CRTAC1: variants seen among roughly 807,000 people sequenced by gnomAD.
CRTAC1 encodes the protein cartilage acidic protein 1.
CRTAC1 carries 37 observed loss-of-function variants against 67.8 expected under a neutral mutation model. The observed-to-expected ratio is 0.55, with a 90% confidence interval of 0.42 to 0.72. The LOEUF is 0.72. CRTAC1 is among the 30% of genes least tolerant of loss of function. CRTAC1 has a pLI of 0.00. For missense variants in CRTAC1, 780 were observed against 931.6 expected (o/e 0.84, Z 2.12); for synonymous variants, 348 against 371.0 (o/e 0.94, Z 0.71).
intron 1 of CRTAC1, among the ~76,000 whole-genome samples, chr10:98,017,425 C>T (rs1425102959): frequency 6.6e-6 from 1 of 152,152 alleles, no homozygotes; most frequent in Non-Finnish European, 1.5e-5. Context: ...GGGATGTGGG[C>T]TTCTCCTGCA....
In CRTAC1 at chr10:97,880,336, C is replaced by T. The variant is rs781100573; in HGVS notation, c.1732G>A (p.Val578Ile). 3 of 1,614,180 alleles carry T rather than the reference C, an allele frequency of 1.9e-6. No homozygotes were observed. The highest frequency in any genetic ancestry group is 2.5e-6 in the Non-Finnish European group (3 of 1,180,016). ...FVCPRDKPVCVNTYGSYRCRT... is the reference protein window; with the variant it reads ...FVCPRDKPVCINTYGSYRCRT... ...CACCTGTAGCTTCCATAGGTGTTGA[C>T]ACATACGGGCTTGTCTCGAGGGCAC... Residue 578 changes from valine to isoleucine, a missense_variant, in exon 14 of 15, where the codon GTC becomes ATC. Val to Ile is a conservative substitution (Grantham distance 29, BLOSUM62 3). Coordinates refer to ENST00000370597, the MANE Select transcript of CRTAC1 (RefSeq NM_018058.7).
chr10:97,994,535 C>G (rs1842519439), intron 2 of CRTAC1, among the ~76,000 whole-genome samples: 1 of 152,218 alleles, frequency 6.6e-6, no homozygotes, highest in South Asian at 2.1e-4. Flanking sequence ...TCAGGGGACG[C>G]ATAGATCTGT....
intron 14 of CRTAC1, among the ~76,000 whole-genome samples, chr10:97,873,783 C>T (rs573146785): frequency 4.6e-5 from 7 of 152,256 alleles, no homozygotes; most frequent in African/African-American, 1.2e-4. Flanking sequence ...AGGTTCTGGG[C>T]GGGACGTTCT....
intron 3 of CRTAC1, among the ~76,000 whole-genome samples, chr10:97,934,252 C>T (rs549850995): frequency 9.2e-5 from 14 of 152,318 alleles, no homozygotes; most frequent in Admixed American, 3.3e-4. Context: ...AGTTGATCAG[C>T]CCATCAATTA....
chr10:97,979,724 C>T (rs2051862007), intron 2 of CRTAC1, among the ~76,000 whole-genome samples: 1 of 152,152 alleles, frequency 6.6e-6, no homozygotes, highest in African/African-American at 2.4e-5. Context: ...ACTACTGAAC[C>T]TTGGGTCCCA....
chr10:97,918,717 T>C (rs2136589903), intron 4 of CRTAC1, among the ~76,000 whole-genome samples: 1 of 152,308 alleles, frequency 6.6e-6, no homozygotes, highest in East Asian at 1.9e-4. Context: ...GTCTCATCCA[T>C]TGGCACCATG....
At chr10:97,986,720 C>T (rs1315567735) in intron 2 of CRTAC1, among the ~76,000 whole-genome samples, 1 of 152,174 alleles carries the variant, frequency 6.6e-6, no homozygotes, top group Non-Finnish European at 1.5e-5. Flanking sequence ...AAGATGACAA[C>T]AATTTCATTC....
intron 2 of CRTAC1, among the ~76,000 whole-genome samples, chr10:97,959,334 G>A (rs146954852): frequency 1.3e-5 from 2 of 152,326 alleles, no homozygotes; most frequent in East Asian, 3.9e-4. Flanking sequence ...CTGCTGCAGG[G>A]TAAACACACC....
intron 14 of CRTAC1, 71 bp downstream of exon 14, chr10:97,880,178 G>A: frequency 1.3e-6 from 2 of 1,558,708 alleles, no homozygotes; most frequent in Middle Eastern, 3.8e-4. Flanking sequence ...CTTGATCTGG[G>A]GCCTACCCAG....
At chr10:97,968,903 C>G (rs928060523) in intron 2 of CRTAC1, among the ~76,000 whole-genome samples, 1 of 152,196 alleles carries the variant, frequency 6.6e-6, no homozygotes, top group African/African-American at 2.4e-5. Flanking sequence ...TGAGCCAGTA[C>G]ATCTGGAGAT....
intron 2 of CRTAC1, among the ~76,000 whole-genome samples, chr10:97,985,424 C>T (rs779330217): frequency 1.7e-4 from 26 of 152,260 alleles, no homozygotes; most frequent in Non-Finnish European, 2.8e-4. Flanking sequence ...CCATCTTCTC[C>T]AGATGGAACT....
At chr10:97,883,262 C>G (rs1242374449) in intron 12 of CRTAC1, among the ~76,000 whole-genome samples, 1 of 152,190 alleles carries the variant, frequency 6.6e-6, no homozygotes, top group Non-Finnish European at 1.5e-5. Context: ...ATGCTTGTGT[C>G]CCACCTCTCT....
intron 1 of CRTAC1, among the ~76,000 whole-genome samples, chr10:98,020,023 A>G (rs1198136095): frequency 6.6e-6 from 1 of 152,168 alleles, no homozygotes; most frequent in Non-Finnish European, 1.5e-5. Context: ...CCCTGAGTCA[A>G]TTCTGCTTCA....
At chr10:97,905,491 C>T (rs1159784375) in intron 6 of CRTAC1, among the ~76,000 whole-genome samples, 1 of 152,252 alleles carries the variant, frequency 6.6e-6, no homozygotes, top group Non-Finnish European at 1.5e-5. Context: ...CCCTGTCAAT[C>T]TCCCTGACAG....
intron 2 of CRTAC1, among the ~76,000 whole-genome samples, chr10:97,970,225 CTAA>C (rs1205706366): frequency 6.6e-6 from 1 of 152,172 alleles, no homozygotes; most frequent in Non-Finnish European, 1.5e-5. Flanking sequence ...TCACACTCTG[CTAA>C]TCTCTGGTTT....
At chr10:98,025,288 T>C (rs1035146154) in intron 1 of CRTAC1, among the ~76,000 whole-genome samples, 1 of 152,198 alleles carries the variant, frequency 6.6e-6, no homozygotes, top group South Asian at 2.1e-4. Context: ...TTCTGTGCAC[T>C]GTAGGATGTT....
In CRTAC1 at chr10:98,002,974, G is replaced by T. The variant is rs543042315; in HGVS notation, c.224+8164C>A. 2.0e-5 allele frequency among the ~76,000 whole-genome samples: 3 copies of T among 150,472 alleles called. No homozygotes were observed. The East Asian group carries it at 5.9e-4, about 30-fold the overall frequency. On this transcript the variant is annotated intron_variant, in intron 2 of 14. Coordinates refer to ENST00000370597, the MANE Select transcript of CRTAC1 (RefSeq NM_018058.7). ...TTTTTTTTGTATTTTTAGTAGAGACGGGGTTTCACCATGTTAGCCAGGATG... is the reference window on the plus strand; with the variant it reads ...TTTTTTTTGTATTTTTAGTAGAGACTGGGTTTCACCATGTTAGCCAGGATG...
intron 3 of CRTAC1, among the ~76,000 whole-genome samples, chr10:97,929,091 G>C (rs1381585066): frequency 6.6e-6 from 1 of 151,952 alleles, no homozygotes; most frequent in Non-Finnish European, 1.5e-5. Context: ...CAGAGTGAGG[G>C]AGCTGTCCAA....
chr10:98,006,044 T>G (rs1449022160), intron 2 of CRTAC1, among the ~76,000 whole-genome samples: 1 of 152,200 alleles, frequency 6.6e-6, no homozygotes. Context: ...TGATTTAAAC[T>G]TTACAACCAC....
Sources: allele counts gnomAD v4.1 joint callset (sites outside exome capture counted in the v4.1 genomes callset), GRCh38; gene constraint gnomAD v4.1.1; transcripts MANE v1.5; gene names NCBI Gene and HGNC (gene_info 2026-07-23, HGNC 2026-07-21).